OTUD7A: variants seen among roughly 807,000 people sequenced by gnomAD.
The protein encoded by OTUD7A is OTU deubiquitinase 7A, also known as OTU domain-containing protein 7A.
A neutral mutation model predicts 65.7 loss-of-function variants in OTUD7A; 12 were observed. The ratio of observed to expected loss-of-function variants is 0.18; its 90% CI spans 0.12 to 0.30. OTUD7A has a LOEUF of 0.30. Among genes scored for constraint, OTUD7A ranks in the 10% least tolerant of loss-of-function variants. The pLI, the probability that OTUD7A is intolerant of heterozygous loss-of-function variation, is 1.00. For synonymous variants in OTUD7A, 641 were observed against 586.3 expected (o/e 1.09, Z -1.35); for missense variants, 1,148 against 1,304.8 (o/e 0.88, Z 1.85).
At chr15:31,806,796 C>T (rs1567033534) in intron 1 of OTUD7A, among the ~76,000 whole-genome samples, 1 of 152,226 alleles carries the variant, frequency 6.6e-6, no homozygotes, top group African/African-American at 2.4e-5. Flanking sequence ...AAATGGTAAG[C>T]AGGAGAACTG....
intron 1 of OTUD7A, among the ~76,000 whole-genome samples, chr15:31,760,030 T>C (rs1392674094): frequency 6.6e-6 from 1 of 152,208 alleles, no homozygotes; most frequent in Non-Finnish European, 1.5e-5. Flanking sequence ...CACTTTGTTA[T>C]TCCCCAAGAT....
intron 3 of OTUD7A, among the ~76,000 whole-genome samples, chr15:31,595,727 C>T (rs925887210): frequency 2.0e-5 from 3 of 152,232 alleles, no homozygotes; most frequent in Non-Finnish European, 4.4e-5. Context: ...GTCAGCAGAG[C>T]CGTGGTCCCT....
At chr15:31,512,208 A>G (rs897027222) in intron 8 of OTUD7A, among the ~76,000 whole-genome samples, 1 of 151,482 alleles carries the variant, frequency 6.6e-6, no homozygotes, top group African/African-American at 2.4e-5. Context: ...GGTTCACGTG[A>G]TATGTGAGGA....
intron 1 of OTUD7A, among the ~76,000 whole-genome samples, chr15:31,732,395 C>T (rs1159741418): frequency 6.6e-6 from 1 of 152,236 alleles, no homozygotes; most frequent in African/African-American, 2.4e-5. Flanking sequence ...TAAAAGGGTA[C>T]ATGTGGCCTC....
intron 1 of OTUD7A, among the ~76,000 whole-genome samples, chr15:31,864,909 A>G (rs116076223): frequency 0.016 from 2,422 of 152,324 alleles, 67 homozygotes; most frequent in African/African-American, 0.054. Flanking sequence ...TACTGTCTCC[A>G]GTTCCTTTTA....
At chr15:31,486,696 G>A (rs1429810170) in intron 12 of OTUD7A, among the ~76,000 whole-genome samples, 1 of 152,364 alleles carries the variant, frequency 6.6e-6, no homozygotes, top group African/African-American at 2.4e-5. Flanking sequence ...CTGCCTCTGG[G>A]AGGGGAGGAA....
intron 8 of OTUD7A, among the ~76,000 whole-genome samples, chr15:31,509,884 T>C (rs1364093921): frequency 1.3e-5 from 2 of 151,892 alleles, no homozygotes; most frequent in African/African-American, 4.8e-5. Flanking sequence ...CTTTGATTTT[T>C]GTCTTTTCTA....
At chr15:31,561,535 C>T (rs1888688858) in intron 4 of OTUD7A, among the ~76,000 whole-genome samples, 2 of 152,120 alleles carry the variant, frequency 1.3e-5, no homozygotes, top group Admixed American at 6.6e-5. Context: ...CCGGGCCCAT[C>T]AATCAGCACC....
Position 31,636,444 on chromosome 15 carries a change from C to T in OTUD7A, c.151+18652G>A, listed in dbSNP as rs369939659. ...GTGTGTGTTCTGACTGCTCCACTGACCAGTGATTCTCCTGTCTCCCTCTCC... is the reference window on the plus strand; with the variant it reads ...GTGTGTGTTCTGACTGCTCCACTGATCAGTGATTCTCCTGTCTCCCTCTCC... On this transcript the variant is annotated intron_variant, in intron 3 of 12. Coordinates refer to ENST00000307050, the MANE Select transcript of OTUD7A (RefSeq NM_001382637.1). Among the ~76,000 whole-genome samples, 38 of 152,302 alleles carry T rather than the reference C, an allele frequency of 2.5e-4. No individual in the cohort carries two copies. In the South Asian group the frequency reaches 7.3e-3, roughly 29 times the overall value.
chr15:31,622,951 G>A (rs1471270268), intron 3 of OTUD7A, among the ~76,000 whole-genome samples: 1 of 152,142 alleles, frequency 6.6e-6, no homozygotes, highest in African/African-American at 2.4e-5. Context: ...TGGTGTGGAT[G>A]TCCTTTCTGT....
intron 5 of OTUD7A, among the ~76,000 whole-genome samples, chr15:31,548,690 T>G (rs1179884061): frequency 6.6e-6 from 1 of 152,184 alleles, no homozygotes; most frequent in Admixed American, 6.5e-5. Context: ...ACGTGAAGGC[T>G]GCTATTATCA....
chr15:31,629,968 T>C (rs1237503214), intron 3 of OTUD7A, among the ~76,000 whole-genome samples: 1 of 152,030 alleles, frequency 6.6e-6, no homozygotes, highest in Admixed American at 6.6e-5. Context: ...TTGTGTCTAT[T>C]TGATTCTTCT....
intron 1 of OTUD7A, among the ~76,000 whole-genome samples, chr15:31,719,667 A>G (rs1893682494): frequency 6.6e-6 from 1 of 152,066 alleles, no homozygotes; most frequent in African/African-American, 2.4e-5. Context: ...TTCAAACACC[A>G]GCCACGGTGA....
intron 1 of OTUD7A, among the ~76,000 whole-genome samples, chr15:31,665,616 G>A (rs556767948): frequency 1.3e-5 from 2 of 152,296 alleles, no homozygotes; most frequent in Admixed American, 6.5e-5. Context: ...AACAGTGATA[G>A]TATGACTGCC....
At chr15:31,527,092 G>T (rs1595584885) in intron 7 of OTUD7A, 89 bp downstream of exon 7, 1 of 1,560,344 alleles carries the variant, frequency 6.4e-7, no homozygotes, top group East Asian at 2.2e-5. Context: ...GACTGTCTGG[G>T]GCCTGGAGGC....
At chr15:31,686,961 A>C (rs944952537) in intron 1 of OTUD7A, among the ~76,000 whole-genome samples, 1 of 152,224 alleles carries the variant, frequency 6.6e-6, no homozygotes, top group African/African-American at 2.4e-5. Flanking sequence ...TTGAAGACTC[A>C]GTCTAATTCA....
rs2041171654 is a variant in OTUD7A, at chr15:31,483,562, G to A, written c.2534C>T (p.Ala845Val). Residue 845 changes from alanine (A) to valine (V), a missense_variant, in exon 13 of 13, where the codon GCG becomes GTG. Around this residue, in one of 6 missense-constraint regions of OTUD7A, gnomAD observed 842 missense variants for 769.5 expected, o/e 1.09. Coordinates refer to ENST00000307050, the MANE Select transcript of OTUD7A (RefSeq NM_001382637.1). ...GTGCTCGGCCGCCCCCGCCGTCCCCGCCGCGCCCGGTAGGGCCCCGGGCAC... is the reference window on the plus strand; with the variant it reads ...GTGCTCGGCCGCCCCCGCCGTCCCCACCGCGCCCGGTAGGGCCCCGGGCAC... ...RAVPGALPGA[A>V]GTAGAAEHKS... 6 of 1,304,066 alleles carry A rather than the reference G, an allele frequency of 4.6e-6. No homozygotes were observed. In the East Asian group the frequency reaches 1.0e-4, roughly 23 times the overall value. The allele number at this position is 1,304,066 out of a possible 1,614,324, so 80.8% of individuals were successfully genotyped here.
intron 1 of OTUD7A, among the ~76,000 whole-genome samples, chr15:31,861,823 T>C (rs1897749211): frequency 6.6e-6 from 1 of 152,158 alleles, no homozygotes; most frequent in South Asian, 2.1e-4. Context: ...CTCAATCTAA[T>C]AATCTAATGC....
chr15:31,661,262 C>T (rs7174105), intron 1 of OTUD7A, among the ~76,000 whole-genome samples: 46,557 of 151,894 alleles, frequency 0.31, 8,350 homozygotes, highest in African/African-American at 0.5. Flanking sequence ...TTTTGTCTTA[C>T]ATGCATTGAA....
Sources: gnomAD v4.1 joint callset for allele counts (sites outside exome capture counted in the v4.1 genomes callset) on GRCh38, gnomAD v4.1.1 for gene constraint, gnomAD v4.1.1 regional missense constraint, MANE v1.5 for transcripts, NCBI Gene and HGNC (gene_info 2026-07-23, HGNC 2026-07-21) for gene names.